The following LRRC4C variants were observed in gnomAD, a reference collection of about 807,000 sequenced individuals.
The protein encoded by LRRC4C is leucine-rich repeat-containing protein 4C.
In LRRC4C, 5 loss-of-function variants were observed where a neutral mutation model predicts 33.6. That is an observed-to-expected ratio of 0.15 (90% CI 0.08 to 0.31). The LOEUF (loss-of-function observed/expected upper bound fraction) is 0.31. Among genes scored for constraint, LRRC4C ranks in the 10% least tolerant of loss-of-function variants. The pLI is 1.00. For synonymous variants in LRRC4C, 329 were observed against 302.0 expected (o/e 1.09, Z -0.93); for missense variants, 560 against 796.7 (o/e 0.70, Z 3.58).
intron 5 of LRRC4C, among the ~76,000 whole-genome samples, chr11:40,144,487 G>A (rs1857584772): frequency 6.6e-6 from 1 of 152,088 alleles, no homozygotes; most frequent in Non-Finnish European, 1.5e-5. Context: ...TATAAAACAA[G>A]GTGATAATCC....
intron 3 of LRRC4C, among the ~76,000 whole-genome samples, chr11:40,516,873 T>G (rs1191039866): frequency 1.3e-5 from 2 of 152,156 alleles, no homozygotes; most frequent in Non-Finnish European, 2.9e-5. Context: ...GAGGGGGATG[T>G]GTCAAAAGGT....
At chr11:41,018,336 A>C (rs1171746087) in intron 1 of LRRC4C, among the ~76,000 whole-genome samples, 1 of 152,146 alleles carries the variant, frequency 6.6e-6, no homozygotes, top group Non-Finnish European at 1.5e-5. Flanking sequence ...TCTTTCTTAG[A>C]GAATTTAAAT....
At chr11:40,559,375 G>T (rs1388276142) in intron 3 of LRRC4C, among the ~76,000 whole-genome samples, 1 of 151,932 alleles carries the variant, frequency 6.6e-6, no homozygotes, top group Non-Finnish European at 1.5e-5. Flanking sequence ...GGTAGAGACG[G>T]GGTTTTGCCA....
chr11:41,191,679 T>A (rs1945955225), intron 1 of LRRC4C, among the ~76,000 whole-genome samples: 1 of 152,144 alleles, frequency 6.6e-6, no homozygotes, highest in Non-Finnish European at 1.5e-5. Flanking sequence ...ACAACTCGGG[T>A]GCTTTAGAAT....
intron 1 of LRRC4C, among the ~76,000 whole-genome samples, chr11:41,417,872 C>G (rs1402709887): frequency 6.6e-6 from 1 of 151,388 alleles, no homozygotes; most frequent in Admixed American, 6.6e-5. Flanking sequence ...TGTTGCTATC[C>G]TAGCTAATAT....
intron 1 of LRRC4C, among the ~76,000 whole-genome samples, chr11:41,371,803 C>T (rs1160134840): frequency 6.6e-6 from 1 of 152,178 alleles, no homozygotes; most frequent in Non-Finnish European, 1.5e-5. Flanking sequence ...CACATATTCA[C>T]ATACTTAACT....
chr11:40,654,677 G>A (rs7396976), intron 2 of LRRC4C, among the ~76,000 whole-genome samples: 63,290 of 151,930 alleles, frequency 0.42, 13,462 homozygotes, highest in East Asian at 0.6. Flanking sequence ...GGTTAATACC[G>A]AATTAAGACT....
intron 1 of LRRC4C, among the ~76,000 whole-genome samples, chr11:41,303,360 A>T (rs2137096279): frequency 8.6e-6 from 1 of 115,974 alleles, no homozygotes; most frequent in Non-Finnish European, 1.8e-5. Context: ...AGGTGCCGGG[A>T]TTGCAGACGG....
intron 2 of LRRC4C, among the ~76,000 whole-genome samples, chr11:40,854,927 A>G (rs1276647197): frequency 1.3e-5 from 2 of 152,134 alleles, no homozygotes; most frequent in East Asian, 3.8e-4. Context: ...TAAATTGGCC[A>G]AATATAAAAG....
intron 1 of LRRC4C, among the ~76,000 whole-genome samples, chr11:41,165,135 C>T (rs1266041586): frequency 6.6e-6 from 1 of 152,126 alleles, no homozygotes; most frequent in Non-Finnish European, 1.5e-5. Context: ...GTTCCCAGAG[C>T]CTGGGACCTT....
chr11:41,103,008 A>T (rs2135632070), intron 1 of LRRC4C, among the ~76,000 whole-genome samples: 1 of 152,094 alleles, frequency 6.6e-6, no homozygotes, highest in East Asian at 1.9e-4. Flanking sequence ...CAAAGGTAAA[A>T]TAAAAAAGAA....
chr11:41,446,692 T>C (rs527442398), intron 1 of LRRC4C, among the ~76,000 whole-genome samples: 1 of 152,278 alleles, frequency 6.6e-6, no homozygotes, highest in East Asian at 1.9e-4. Flanking sequence ...CAAAGTCAGA[T>C]TCTAGGGGTA....
intron 2 of LRRC4C, among the ~76,000 whole-genome samples, chr11:40,787,644 GA>G (rs1307289450): frequency 1.3e-5 from 2 of 152,148 alleles, no homozygotes; most frequent in East Asian, 3.8e-4. Flanking sequence ...AGGTGAAAAT[GA>G]ATGCACAATC....
In LRRC4C at chr11:40,851,999, A is replaced by T. The variant is rs573064918; in HGVS notation, c.-407+81636T>A. ...TTGTACTTTCGTACTTTTTAAAAAAATTTTTTAATAGTAGAGACAGGGTTT... is the reference window on the plus strand; with the variant it reads ...TTGTACTTTCGTACTTTTTAAAAAATTTTTTTAATAGTAGAGACAGGGTTT... On this transcript the variant is annotated intron_variant, in intron 2 of 6. Coordinates refer to ENST00000528697, the MANE Select transcript of LRRC4C (RefSeq NM_001258419.2). Among the ~76,000 whole-genome samples the T allele has an allele frequency of 4.3e-3, 647 of 152,158 alleles. 1 individual carries two copies. Among genetic ancestry groups the T allele is most frequent in the Non-Finnish European group, 7.3e-3 (494 of 67,990 alleles).
At chr11:41,128,273 A>G (rs1257032331) in intron 1 of LRRC4C, among the ~76,000 whole-genome samples, 1 of 152,060 alleles carries the variant, frequency 6.6e-6, no homozygotes, top group Non-Finnish European at 1.5e-5. Flanking sequence ...CTCCAAAAAA[A>G]AAAATCATTT....
intron 2 of LRRC4C, among the ~76,000 whole-genome samples, chr11:40,714,712 C>A (rs1946625134): frequency 6.6e-6 from 1 of 152,106 alleles, no homozygotes; most frequent in South Asian, 2.1e-4. Context: ...GAAGGTGTGG[C>A]ACCAGTAAGG....
chr11:41,262,469 C>A (rs371781573), intron 1 of LRRC4C, among the ~76,000 whole-genome samples: 1 of 150,948 alleles, frequency 6.6e-6, no homozygotes, highest in Non-Finnish European at 1.5e-5. Flanking sequence ...AACGCTTCTA[C>A]GTACTGGAAT....
At chr11:40,507,738 AT>A (rs5791383) in intron 3 of LRRC4C, among the ~76,000 whole-genome samples, 25,622 of 134,996 alleles carry the variant, frequency 0.19, 1,936 homozygotes, top group Admixed American at 0.29. Context: ...ACTAGATTTA[AT>A]TTTTTTTTTT....
At chr11:41,237,858 A>G (rs961040122) in intron 1 of LRRC4C, among the ~76,000 whole-genome samples, 2 of 152,166 alleles carry the variant, frequency 1.3e-5, no homozygotes, top group African/African-American at 4.8e-5. Flanking sequence ...GCTTTTGGTT[A>G]AAGCTGCTAA....
Sources: allele counts gnomAD v4.1 joint callset (sites outside exome capture counted in the v4.1 genomes callset), GRCh38; gene constraint gnomAD v4.1.1; transcripts MANE v1.5; gene names NCBI Gene and HGNC (gene_info 2026-07-23, HGNC 2026-07-21).